The following EIF3E variants were observed in gnomAD, a reference collection of about 807,000 sequenced individuals.
EIF3E encodes eIF-3 p48.
EIF3E carries 25 observed loss-of-function variants against 59.3 expected under a neutral mutation model. The ratio of observed to expected loss-of-function variants is 0.42; its 90% CI spans 0.31 to 0.59. EIF3E has a LOEUF of 0.59. Among genes scored for constraint, EIF3E ranks in the 20% least tolerant of loss-of-function variants. The pLI is 0.15. For missense variants in EIF3E, 317 were observed against 534.3 expected (o/e 0.59, Z 4.01); for synonymous variants, 176 against 170.2 (o/e 1.03, Z -0.26).
At chr8:108,237,768 C>T (rs1815761011) in intron 3 of EIF3E, among the ~76,000 whole-genome samples, 1 of 152,142 alleles carries the variant, frequency 6.6e-6, no homozygotes, top group Admixed American at 6.5e-5. Flanking sequence ...CAGTGGATCA[C>T]ACTGAATAAC....
chr8:108,236,116 C>A, intron 4 of EIF3E, 45 bp downstream of exon 4: 1 of 1,557,088 alleles, frequency 6.4e-7, no homozygotes, highest in Non-Finnish European at 8.8e-7. Flanking sequence ...CTTTAGTCAG[C>A]ATTATTAAAA....
chr8:108,221,472 T>C (rs1434098763), intron 7 of EIF3E: 3 of 152,244 alleles, frequency 2.0e-5, no homozygotes, highest in Admixed American at 6.5e-5. Flanking sequence ...AATGTGGATG[T>C]ATATTATTAG....
At chr8:108,205,701 C>G (rs539281481) in intron 10 of EIF3E, among the ~76,000 whole-genome samples, 5 of 152,198 alleles carry the variant, frequency 3.3e-5, no homozygotes, top group African/African-American at 1.2e-4. Context: ...ACACTGTATA[C>G]GCTACCCGCC....
chr8:108,248,171 C>A (rs1461219517), intron 1 of EIF3E, among the ~76,000 whole-genome samples: 1 of 152,152 alleles, frequency 6.6e-6, no homozygotes, highest in Non-Finnish European at 1.5e-5. Flanking sequence ...GTAAGAGAAT[C>A]ACTCCAAAAG....
chr8:108,234,581 T>G (rs1665399414), intron 5 of EIF3E: 1 of 152,308 alleles, frequency 6.6e-6, no homozygotes. Context: ...CCACAGTTGT[T>G]TAGAGCCAAG....
At chr8:108,234,311 G>A (rs1173595730) in intron 5 of EIF3E, 4 of 152,406 alleles carry the variant, frequency 2.6e-5, no homozygotes, top group Non-Finnish European at 4.4e-5. Context: ...GTGATTACAG[G>A]TGTGAGCCAC....
chr8:108,220,901 A>C (rs1266316028), intron 7 of EIF3E, among the ~76,000 whole-genome samples: 1 of 152,182 alleles, frequency 6.6e-6, no homozygotes, highest in Non-Finnish European at 1.5e-5. Flanking sequence ...GTGAGCCTAT[A>C]GTCCCAGCTA....
chr8:108,235,137 AT>A, intron 4 of EIF3E, 35 bp from the exon 5 acceptor site: 2 of 1,354,028 alleles, frequency 1.5e-6, no homozygotes, highest in Non-Finnish European at 2.0e-6. Flanking sequence ...GTTCTCTTTA[AT>A]TTAGAGTTTT....
At chr8:108,241,207 G>A (rs1815828622) in intron 2 of EIF3E, among the ~76,000 whole-genome samples, 1 of 152,106 alleles carries the variant, frequency 6.6e-6, no homozygotes, top group South Asian at 2.1e-4. Context: ...ACAGTATACT[G>A]TATTTCTCTA....
intron 7 of EIF3E, among the ~76,000 whole-genome samples, chr8:108,219,881 G>A (rs1484363295): frequency 1.3e-5 from 2 of 152,126 alleles, no homozygotes; most frequent in Non-Finnish European, 2.9e-5. Context: ...GGTGGCTCAT[G>A]CCTGTAATCC....
chr8:108,237,905 G>T (rs891045592), intron 3 of EIF3E, among the ~76,000 whole-genome samples: 2 of 152,044 alleles, frequency 1.3e-5, no homozygotes, highest in African/African-American at 2.4e-5. Flanking sequence ...GTCAGAAAAA[G>T]GTTTTTACAT....
In EIF3E at chr8:108,216,478, A is replaced by G; in HGVS notation, c.885T>C (p.Phe295=). The stretch of plus-strand genomic sequence containing the variant: ...CAAAGTTAACATATAAACATTCAAC[A>G]AATTCTGTAATTGGGTCTTTATATG... ...SYTYKDPITE[F]VECLYVNFDF... is the part of the protein sequence containing the mutation. The change falls in exon 9 of 13, where the codon TTT becomes TTC. Residue 295 remains phenylalanine (F), a synonymous_variant. Coordinates refer to ENST00000220849, the MANE Select transcript of EIF3E (RefSeq NM_001568.3). 6.2e-7 allele frequency: 1 copy of G among 1,609,734 alleles called. No individual in the cohort carries two copies. The highest frequency in any genetic ancestry group is 8.5e-7 in the Non-Finnish European group (1 of 1,178,576).
chr8:108,201,251 ATATATATATAT>A lies in EIF3E; in HGVS notation c.*623_*633del, dbSNP rs1814989776. On this transcript the variant is annotated 3_prime_UTR_variant, in exon 13 of 13. Coordinates refer to ENST00000220849, the MANE Select transcript of EIF3E (RefSeq NM_001568.3). ...ATAAAAAAGGAATTAACTACTGATC[ATATATATATAT>A]ATATCTATCTCTCAACTTGGATGGC... is the stretch of plus-strand genomic sequence containing the variant. 1.3e-5 allele frequency: 1 copy of A among 74,656 alleles called. No individual in the cohort carries two copies. Among genetic ancestry groups the A allele is most frequent in the African/African-American group, 5.0e-5 (1 of 20,046 alleles). The allele number at this position is 74,656 out of a possible 1,614,324, so 4.6% of individuals were successfully genotyped here.
chr8:108,220,748 G>A (rs1815395960), intron 7 of EIF3E, among the ~76,000 whole-genome samples: 2 of 152,198 alleles, frequency 1.3e-5, no homozygotes, highest in African/African-American at 4.8e-5. Context: ...CTCGCTGAAA[G>A]GTTAATAGTT....
At chr8:108,228,515 C>T (rs1434624717) in intron 6 of EIF3E, 124 bp from the exon 7 acceptor site, 3 of 680,924 alleles carry the variant, frequency 4.4e-6, no homozygotes, top group Non-Finnish European at 6.4e-6. Flanking sequence ...GCACGGAGGT[C>T]ATTATGATCA....
intron 10 of EIF3E, among the ~76,000 whole-genome samples, chr8:108,203,854 A>G (rs1456531332): frequency 6.6e-6 from 1 of 152,100 alleles, no homozygotes; most frequent in East Asian, 1.9e-4. Flanking sequence ...TTCCCTCTAT[A>G]TAAGTCAGCC....
intron 3 of EIF3E, among the ~76,000 whole-genome samples, chr8:108,238,363 A>C (rs1815774461): frequency 6.6e-6 from 1 of 152,154 alleles, no homozygotes; most frequent in Admixed American, 6.5e-5. Flanking sequence ...AAATACCAAA[A>C]TCTGCAGGTG....
intron 7 of EIF3E, among the ~76,000 whole-genome samples, chr8:108,220,720 C>G (rs769511689): frequency 2.6e-5 from 4 of 152,200 alleles, no homozygotes; most frequent in Non-Finnish European, 5.9e-5. Flanking sequence ...TCAATATCCT[C>G]AACTCAGAGC....
In EIF3E at chr8:108,243,050, A is replaced by C. The variant is rs114438133; in HGVS notation, c.91-1137T>G. Among the ~76,000 whole-genome samples, 1,095 of 152,326 alleles carry C rather than the reference A, an allele frequency of 7.2e-3. 10 individuals are homozygous for C. The highest frequency in any genetic ancestry group is 0.025 in the African/African-American group (1,049 of 41,572). The stretch of plus-strand genomic sequence containing the variant: ...CACTTCCAAAAATGTACACAGGAGC[A>C]CTATTTGTAATAGCCAAGTCTATCA... On this transcript the variant is annotated intron_variant, in intron 1 of 12. Transcript: ENST00000220849.
Sources: gnomAD v4.1 joint callset for allele counts (sites outside exome capture counted in the v4.1 genomes callset) on GRCh38, gnomAD v4.1.1 for gene constraint, MANE v1.5 for transcripts, NCBI Gene and HGNC (gene_info 2026-07-23, HGNC 2026-07-21) for gene names.